Variants in IL1RAPL2 observed in about 807,000 individuals in gnomAD.
IL1RAPL2 encodes the protein interleukin 1 receptor accessory protein like 2, also known as X-linked interleukin-1 receptor accessory protein-like 2.
IL1RAPL2 carries 3 observed loss-of-function variants against 44.1 expected under a neutral mutation model. That is an observed-to-expected ratio of 0.07 (90% CI 0.03 to 0.18). IL1RAPL2 has a LOEUF of 0.18. IL1RAPL2 is among the 10% of genes least tolerant of loss of function. IL1RAPL2 has a pLI of 1.00. For synonymous variants in IL1RAPL2, 181 were observed against 178.8 expected, an observed-to-expected ratio of 1.01 and a Z score of -0.10; for missense variants, 391 against 496.4, an observed-to-expected ratio of 0.79 and a Z score of 2.02.
At chrX:105,012,641 T>TCA (rs2031076732) in intron 2 of IL1RAPL2, among the ~76,000 whole-genome samples, 1 of 61,655 alleles carries the variant, frequency 1.6e-5, no homozygotes, top group African/African-American at 7.6e-5. Context: ...TCTCTCTCTC[T>TCA]CTCTCACACA....
At chrX:105,326,145 T>C (rs1300754131) in intron 5 of IL1RAPL2, among the ~76,000 whole-genome samples, 1 of 111,314 alleles carries the variant, frequency 9.0e-6, no homozygotes, top group Non-Finnish European at 1.9e-5. Flanking sequence ...CTCCAACTCT[T>C]GGGCTCAAAC....
chrX:105,703,436 G>A (rs1310622128), intron 6 of IL1RAPL2, among the ~76,000 whole-genome samples: 1 of 111,378 alleles, frequency 9.0e-6, no homozygotes, highest in Non-Finnish European at 1.9e-5. Flanking sequence ...AATGGAAAAG[G>A]GAAGAGGTTG....
intron 6 of IL1RAPL2, among the ~76,000 whole-genome samples, chrX:105,554,081 G>A (rs771942661): frequency 1.2e-4 from 13 of 112,566 alleles, no homozygotes; most frequent in African/African-American, 3.5e-4. Flanking sequence ...ACTTGGAGCT[G>A]CCCCACACTC....
intron 2 of IL1RAPL2, among the ~76,000 whole-genome samples, chrX:104,932,973 GTATC>G (rs1924942437): frequency 9.0e-6 from 1 of 111,681 alleles, no homozygotes; most frequent in Non-Finnish European, 1.9e-5. Context: ...TTCCACTAAA[GTATC>G]TATGAAGACA....
chrX:105,618,428 T>C (rs2037394125), intron 6 of IL1RAPL2, among the ~76,000 whole-genome samples: 1 of 107,880 alleles, frequency 9.3e-6, no homozygotes, highest in Non-Finnish European at 1.9e-5. Flanking sequence ...AAACTTAAAA[T>C]AAAAGTTAAA....
chrX:105,297,658 A>G (rs771015366), intron 5 of IL1RAPL2, among the ~76,000 whole-genome samples: 4 of 111,229 alleles, frequency 3.6e-5, no homozygotes, highest in East Asian at 2.9e-4. Flanking sequence ...AACTGCCCCA[A>G]TGACCCAATT....
At chrX:105,294,096 G>A (rs892234240) in intron 5 of IL1RAPL2, among the ~76,000 whole-genome samples, 6 of 112,250 alleles carry the variant, frequency 5.3e-5, no homozygotes, top group Admixed American at 3.8e-4. Flanking sequence ...ATTTCCCACA[G>A]TTCAGTGGAC....
chrX:105,544,573 A>C (rs2036774704), intron 6 of IL1RAPL2, among the ~76,000 whole-genome samples: 1 of 111,177 alleles, frequency 9.0e-6, no homozygotes, highest in Admixed American at 9.6e-5. Context: ...TTTATATTCA[A>C]TCTATTTATG....
At chrX:105,173,489 C>T (rs2033443412) in intron 2 of IL1RAPL2, among the ~76,000 whole-genome samples, 1 of 111,569 alleles carries the variant, frequency 9.0e-6, no homozygotes, top group African/African-American at 3.3e-5. Context: ...TGGAGCTCCT[C>T]ATAGCAGTGT....
At chrX:105,693,137 C>T (rs1193804861) in intron 6 of IL1RAPL2, among the ~76,000 whole-genome samples, 6 of 111,476 alleles carry the variant, frequency 5.4e-5, no homozygotes, top group Non-Finnish European at 1.1e-4. Flanking sequence ...AGAATAATGG[C>T]TCCGCAAAGG....
intron 2 of IL1RAPL2, among the ~76,000 whole-genome samples, chrX:105,101,362 C>G (rs1049814850): frequency 8.9e-6 from 1 of 111,798 alleles, no homozygotes; most frequent in African/African-American, 3.3e-5. Context: ...GCATATATGC[C>G]AGACAGATGC....
At chrX:104,805,058 C>A (rs1361861) in intron 2 of IL1RAPL2, among the ~76,000 whole-genome samples, 2 of 110,655 alleles carry the variant, frequency 1.8e-5, no homozygotes, top group East Asian at 2.9e-4. Flanking sequence ...CTGCCTAAAA[C>A]GTCCAGTGTA....
intron 2 of IL1RAPL2, among the ~76,000 whole-genome samples, chrX:105,085,206 A>G (rs981354647): frequency 1.8e-5 from 2 of 112,361 alleles, no homozygotes; most frequent in Admixed American, 1.9e-4. Context: ...AAAATCTTCT[A>G]CACAGCGAAG....
At chrX:105,100,702 C>A (rs961817318) in intron 2 of IL1RAPL2, among the ~76,000 whole-genome samples, 13 of 111,456 alleles carry the variant, frequency 1.2e-4, no homozygotes, top group African/African-American at 3.9e-4. Flanking sequence ...GCCTTAATGT[C>A]TATTAATAAT....
At chrX:105,543,419 A>G (rs2036761702) in intron 6 of IL1RAPL2, among the ~76,000 whole-genome samples, 1 of 112,514 alleles carries the variant, frequency 8.9e-6, no homozygotes, top group Admixed American at 9.4e-5. Flanking sequence ...GTTTTTCCCT[A>G]TACCTCACAC....
At position 105,304,885 on chromosome X, in the gene IL1RAPL2, T is replaced by C. The variant is rs1432329628; in HGVS notation, c.697+37344T>C. ...GAGTAATCTATAAAGTAAAGCAGTTTAATTGGCTCACGGTTCTGCTGGCTG... is the reference window on the plus strand; with the variant it reads ...GAGTAATCTATAAAGTAAAGCAGTTCAATTGGCTCACGGTTCTGCTGGCTG... On this transcript the variant is annotated intron_variant, in intron 5 of 10. Transcript: ENST00000372582. 4.5e-5 allele frequency among the ~76,000 whole-genome samples: 5 copies of C among 111,777 alleles called. No individual in the cohort carries two copies. The Admixed American group carries it at 4.8e-4, about 11-fold the overall frequency.
intron 1 of IL1RAPL2, among the ~76,000 whole-genome samples, chrX:104,602,931 G>A (rs1342262770): frequency 8.9e-6 from 1 of 111,931 alleles, no homozygotes; most frequent in Non-Finnish European, 1.9e-5. Context: ...CTGCCTGACA[G>A]CTCTAAAGAG....
At chrX:105,100,840 C>T (rs771602406) in intron 2 of IL1RAPL2, among the ~76,000 whole-genome samples, 1 of 112,262 alleles carries the variant, frequency 8.9e-6, no homozygotes, top group Non-Finnish European at 1.9e-5. Flanking sequence ...AGGCAGGGGA[C>T]CTGGAACAGA....
intron 2 of IL1RAPL2, among the ~76,000 whole-genome samples, chrX:105,013,442 G>T (rs1389064052): frequency 9.1e-6 from 1 of 110,411 alleles, no homozygotes; most frequent in African/African-American, 3.3e-5. Flanking sequence ...ATTGAAAGAG[G>T]TAGCGATACT....
Sources: allele counts gnomAD v4.1 joint callset (sites outside exome capture counted in the v4.1 genomes callset), GRCh38; gene constraint gnomAD v4.1.1; transcripts MANE v1.5; gene names NCBI Gene and HGNC (gene_info 2026-07-23, HGNC 2026-07-21).